CCDC171: variants seen among roughly 807,000 people sequenced by gnomAD.
CCDC171 encodes coiled-coil domain containing 171.
Under a neutral mutation model 168.2 loss-of-function variants are expected in CCDC171, and 177 were observed. The ratio of observed to expected loss-of-function variants is 1.05; its 90% CI spans 0.93 to 1.19. CCDC171 has a LOEUF of 1.19. Ranked by LOEUF, CCDC171 falls within the 50% of genes most tolerant of loss-of-function variation. CCDC171 has a pLI of 0.00. For missense variants in CCDC171, 1,991 were observed against 1,539.0 expected, an observed-to-expected ratio of 1.29 and a Z score of -4.91; for synonymous variants, 687 against 540.8, an observed-to-expected ratio of 1.27 and a Z score of -3.75.
At chr9:15,930,192 G>A (rs1012692070) in intron 25 of CCDC171, among the ~76,000 whole-genome samples, 1 of 151,484 alleles carries the variant, frequency 6.6e-6, no homozygotes, top group Non-Finnish European at 1.5e-5. Context: ...ATCTATACTT[G>A]TTATTGGACC....
intron 11 of CCDC171, among the ~76,000 whole-genome samples, chr9:15,698,346 A>C (rs561778201): frequency 6.6e-6 from 1 of 151,910 alleles, no homozygotes; most frequent in African/African-American, 2.4e-5. Context: ...ACGGTGAAAC[A>C]CCGTCTCTAC....
chr9:15,626,557 A>T (rs576632622), intron 7 of CCDC171, among the ~76,000 whole-genome samples: 1 of 152,328 alleles, frequency 6.6e-6, no homozygotes, highest in Non-Finnish European at 1.5e-5. Flanking sequence ...CCTTTTCTGC[A>T]TCTGTTGAGA....
At chr9:15,768,633 C>T (rs1191612363) in intron 18 of CCDC171, among the ~76,000 whole-genome samples, 1 of 152,038 alleles carries the variant, frequency 6.6e-6, no homozygotes, top group Admixed American at 6.5e-5. Flanking sequence ...AAATTTAAAC[C>T]TCATGTAATC....
At chr9:15,587,687 C>A (rs1190348448) in intron 4 of CCDC171, 4 of 456,506 alleles carry the variant, frequency 8.8e-6, no homozygotes, top group Non-Finnish European at 1.8e-5. Flanking sequence ...AGCTCAGATT[C>A]TAGGTGGTGG....
At chr9:16,096,541 C>T in the CCDC171 span, among the ~76,000 whole-genome samples, 2 of 152,166 alleles carry the variant, frequency 1.3e-5, no homozygotes, top group African/African-American at 4.8e-5. Context: ...TGCCGTGTGT[C>T]CTGGAAGTCT....
intron 7 of CCDC171, among the ~76,000 whole-genome samples, chr9:15,628,541 G>T (rs892739691): frequency 1.3e-5 from 2 of 152,226 alleles, no homozygotes; most frequent in Non-Finnish European, 2.9e-5. Context: ...TGAATTGGGT[G>T]GAGCCCACCA....
intron 6 of CCDC171, among the ~76,000 whole-genome samples, chr9:15,620,327 A>T (rs1446276975): frequency 6.6e-6 from 1 of 152,174 alleles, no homozygotes; most frequent in Non-Finnish European, 1.5e-5. Flanking sequence ...TTTGTGATTC[A>T]TGTGAGGAGG....
chr9:16,007,288 T>A (rs1439923771), intron 3 of CCDC171, among the ~76,000 whole-genome samples: 21 of 152,354 alleles, frequency 1.4e-4, no homozygotes, highest in Non-Finnish European at 2.8e-4. Flanking sequence ...TGTTTGTTTT[T>A]TTCTTGTAAA....
intron 25 of CCDC171, among the ~76,000 whole-genome samples, chr9:15,942,824 G>C (rs1827880274): frequency 1.3e-5 from 2 of 151,508 alleles, no homozygotes; most frequent in African/African-American, 4.9e-5. Flanking sequence ...AAAGATATAG[G>C]GTATTATAGA....
intron 25 of CCDC171, among the ~76,000 whole-genome samples, chr9:15,942,274 G>A (rs1827816480): frequency 6.6e-6 from 1 of 151,932 alleles, no homozygotes; most frequent in South Asian, 2.1e-4. Flanking sequence ...TCCAAATTAT[G>A]TGGATCAAGT....
intron 2 of CCDC171, 64 bp downstream of exon 2, chr9:15,564,193 C>T (rs906589770): frequency 8.0e-6 from 10 of 1,256,240 alleles, no homozygotes; most frequent in Non-Finnish European, 1.1e-5. Context: ...AGGGAGAAGT[C>T]AGTGGTTGTA....
chr9:16,106,728 A>G, the CCDC171 span, among the ~76,000 whole-genome samples: 1 of 152,136 alleles, frequency 6.6e-6, no homozygotes, highest in South Asian at 2.1e-4. Context: ...TATCATTTGT[A>G]TCTCATTAGA....
intron 6 of CCDC171, among the ~76,000 whole-genome samples, chr9:16,031,799 G>A (rs1586846311): frequency 2.0e-5 from 3 of 152,306 alleles, no homozygotes; most frequent in East Asian, 1.9e-4. Context: ...GGGGGAACAT[G>A]TTGAGATGGG....
At chr9:15,740,183 A>G (rs1273101422) in intron 16 of CCDC171, among the ~76,000 whole-genome samples, 2 of 151,974 alleles carry the variant, frequency 1.3e-5, no homozygotes, top group African/African-American at 4.8e-5. Flanking sequence ...TTTTTTTTAC[A>G]TATAGATTTA....
intron 21 of CCDC171, among the ~76,000 whole-genome samples, chr9:15,788,502 GA>G (rs5896678): frequency 0.98 from 147,050 of 150,384 alleles, 71,963 homozygotes; most frequent in Non-Finnish European, 1. Flanking sequence ...TATGGATACA[GA>G]AAAAAAAAAC....
intron 7 of CCDC171, among the ~76,000 whole-genome samples, chr9:15,639,695 A>G (rs1038844986): frequency 2.6e-5 from 4 of 152,046 alleles, no homozygotes; most frequent in African/African-American, 7.2e-5. Context: ...TTAACTTTGA[A>G]TTTTCTACCT....
intron 23 of CCDC171, among the ~76,000 whole-genome samples, chr9:15,849,431 A>T (rs1375886035): frequency 6.6e-6 from 1 of 151,484 alleles, no homozygotes; most frequent in Non-Finnish European, 1.5e-5. Flanking sequence ...TTCTTAAAGT[A>T]GAAATTTAAT....
At chr9:16,097,100 C>T in the CCDC171 span, among the ~76,000 whole-genome samples, 3 of 152,302 alleles carry the variant, frequency 2.0e-5, no homozygotes, top group East Asian at 5.8e-4. Flanking sequence ...GTAACACCCA[C>T]TGAGCGAATA....
intron 25 of CCDC171, among the ~76,000 whole-genome samples, chr9:15,949,260 G>T (rs563255030): frequency 6.6e-6 from 1 of 152,062 alleles, no homozygotes; most frequent in Non-Finnish European, 1.5e-5. Flanking sequence ...GTAGCATGAT[G>T]CCTCCAGCTT....
Sources: gnomAD v4.1 joint callset for allele counts (sites outside exome capture counted in the v4.1 genomes callset) on GRCh38, gnomAD v4.1.1 for gene constraint, MANE v1.5 for transcripts, NCBI Gene and HGNC (gene_info 2026-07-23, HGNC 2026-07-21) for gene names.